The following NMNAT3 variants were observed in gnomAD, a reference collection of about 807,000 sequenced individuals.
NMNAT3 encodes the protein nicotinamide nucleotide adenylyltransferase 3.
In NMNAT3, 21 loss-of-function variants were observed where a neutral mutation model predicts 24.8. That is an observed-to-expected ratio of 0.85 (90% CI 0.60 to 1.22). The LOEUF (loss-of-function observed/expected upper bound fraction) is 1.22, where lower values mean the gene tolerates loss of function less well. NMNAT3 is among the 50% of genes most tolerant of loss of function. The pLI is 0.00. For synonymous variants in NMNAT3, 136 were observed against 155.2 expected (o/e 0.88, Z 0.92); for missense variants, 387 against 436.6 (o/e 0.89, Z 1.01).
At chr3:139,610,921 G>A (rs978491021) in intron 3 of NMNAT3, among the ~76,000 whole-genome samples, 6 of 152,214 alleles carry the variant, frequency 3.9e-5, no homozygotes, top group Admixed American at 6.5e-5. Context: ...AATTGCTGGT[G>A]TAAATGATAT....
intron 3 of NMNAT3, among the ~76,000 whole-genome samples, chr3:139,601,195 G>T (rs535938914): frequency 3.9e-5 from 6 of 152,272 alleles, no homozygotes; most frequent in African/African-American, 1.4e-4. Context: ...AGGCAAAGCA[G>T]CTCTGTCCTC....
chr3:139,644,480 T>G (rs1191444194), intron 1 of NMNAT3, among the ~76,000 whole-genome samples: 1 of 152,154 alleles, frequency 6.6e-6, no homozygotes, highest in Non-Finnish European at 1.5e-5. Context: ...AGAAGTTCTT[T>G]GAGGATGTGT....
rs546019602 is a variant in NMNAT3, at chr3:139,638,691, C to T, written c.-140-629G>A. Among the ~76,000 whole-genome samples, 154 of 152,338 alleles carry T rather than the reference C, an allele frequency of 1.0e-3. 2 individuals are homozygous for T. The South Asian group carries it at 0.016, about 16-fold the overall frequency. ...GGGACTCATTATTTCTCAATTGGAT[C>T]TGAATGCACTCCTAGCCTGTCTTTT... is the stretch of plus-strand genomic sequence containing the variant. On this transcript the variant is annotated intron_variant, in intron 1 of 6. Transcript: ENST00000643695.
At chr3:139,569,331 A>G (rs1937700940) in intron 6 of NMNAT3, 1 of 152,210 alleles carries the variant, frequency 6.6e-6, no homozygotes, top group Non-Finnish European at 1.5e-5. Context: ...TGGAGCATTT[A>G]GCCAATTTAC....
chr3:139,603,932 T>C (rs1576625024), intron 3 of NMNAT3, among the ~76,000 whole-genome samples: 1 of 152,210 alleles, frequency 6.6e-6, no homozygotes, highest in Non-Finnish European at 1.5e-5. Flanking sequence ...TATTCAAAGG[T>C]TGGTCACTAG....
intron 1 of NMNAT3, among the ~76,000 whole-genome samples, chr3:139,651,259 G>A (rs2057046215): frequency 6.6e-6 from 1 of 152,086 alleles, no homozygotes; most frequent in Admixed American, 6.6e-5. Flanking sequence ...ATGGATTAGA[G>A]ACTAAATAAT....
chr3:139,648,354 C>T (rs1479912258), intron 1 of NMNAT3, among the ~76,000 whole-genome samples: 1 of 152,168 alleles, frequency 6.6e-6, no homozygotes, highest in Non-Finnish European at 1.5e-5. Flanking sequence ...TACCCAGTCT[C>T]AGGTATTCTT....
intron 1 of NMNAT3, among the ~76,000 whole-genome samples, chr3:139,663,675 T>C (rs2057489627): frequency 6.6e-6 from 1 of 152,148 alleles, no homozygotes; most frequent in South Asian, 2.1e-4. Flanking sequence ...CTCCAGCAGC[T>C]AGTTCATGAC....
chr3:139,603,934 G>A (rs2054826537), intron 3 of NMNAT3, among the ~76,000 whole-genome samples: 1 of 152,188 alleles, frequency 6.6e-6, no homozygotes, highest in Non-Finnish European at 1.5e-5. Flanking sequence ...TTCAAAGGTT[G>A]GTCACTAGAT....
At chr3:139,620,709 C>T (rs1165147774) in intron 3 of NMNAT3, among the ~76,000 whole-genome samples, 1 of 152,004 alleles carries the variant, frequency 6.6e-6, no homozygotes, top group African/African-American at 2.4e-5. Context: ...ATATAGTAAA[C>T]ACACATTTAA....
chr3:139,653,919 C>T (rs1008849401), intron 1 of NMNAT3, among the ~76,000 whole-genome samples: 2 of 152,198 alleles, frequency 1.3e-5, no homozygotes, highest in African/African-American at 4.8e-5. Flanking sequence ...CGTAGATCAG[C>T]AGGTTGGAGA....
intron 3 of NMNAT3, among the ~76,000 whole-genome samples, chr3:139,592,396 C>T (rs1424297004): frequency 6.6e-6 from 1 of 152,144 alleles, no homozygotes; most frequent in African/African-American, 2.4e-5. Flanking sequence ...AAACACTCTG[C>T]AGGATATTAT....
intron 3 of NMNAT3, among the ~76,000 whole-genome samples, chr3:139,597,082 C>T (rs566164065): frequency 6.6e-6 from 1 of 151,508 alleles, no homozygotes; most frequent in South Asian, 2.1e-4. Context: ...AAATGCTTCT[C>T]CTGGACTTTC....
At chr3:139,676,919 A>G (rs371698413) in intron 1 of NMNAT3, among the ~76,000 whole-genome samples, 2 of 152,162 alleles carry the variant, frequency 1.3e-5, no homozygotes, top group Non-Finnish European at 2.9e-5. Flanking sequence ...TCCAGCACCC[A>G]TCACGCAGTG....
intron 1 of NMNAT3, among the ~76,000 whole-genome samples, chr3:139,662,209 G>A (rs1214629026): frequency 1.3e-5 from 2 of 152,116 alleles, no homozygotes; most frequent in East Asian, 1.9e-4. Flanking sequence ...GTGAATGCCG[G>A]TTGTCTCTCT....
chr3:139,667,624 G>A (rs1232212822), intron 1 of NMNAT3, among the ~76,000 whole-genome samples: 1 of 152,140 alleles, frequency 6.6e-6, no homozygotes, highest in Non-Finnish European at 1.5e-5. Context: ...CTCTGAATGA[G>A]ACCCAGAGTG....
intron 3 of NMNAT3, among the ~76,000 whole-genome samples, chr3:139,588,547 G>A (rs905632905): frequency 6.6e-6 from 1 of 152,162 alleles, no homozygotes; most frequent in African/African-American, 2.4e-5. Context: ...TCTGCATGCA[G>A]GGAAGGCAGT....
intron 1 of NMNAT3, among the ~76,000 whole-genome samples, chr3:139,661,765 A>G (rs1195175457): frequency 1.3e-5 from 2 of 152,112 alleles, no homozygotes; most frequent in Non-Finnish European, 2.9e-5. Context: ...TATTTACTTC[A>G]CCTTTTCCCC....
At position 139,583,044 on chromosome 3, in the gene NMNAT3, G is replaced by T; in HGVS notation, c.274C>A (p.Gln92Lys). The T allele has an allele frequency of 1.2e-6, 2 of 1,607,432 alleles. No individual in the cohort carries two copies. Among genetic ancestry groups the T allele is most frequent in the Non-Finnish European group, 1.7e-6 (2 of 1,176,520 alleles). The change falls in exon 4 of 7, where the codon CAA becomes AAA. Residue 92 changes from glutamine to lysine, a missense_variant. By Grantham distance (53) the Gln-to-Lys change is moderately conservative. This residue lies in a region of NMNAT3 where 323 missense variants were observed against 345.2 expected (regional missense o/e 0.94). Coordinates refer to ENST00000643695, the MANE Select transcript of NMNAT3 (RefSeq NM_001320510.2). The stretch of plus-strand genomic sequence containing the variant: ...CTGTCATTCAAATCACAGAACGCTT[G>T]TTCTTCAGTTCTTTTGCGTTTAAAA...
Sources: allele counts gnomAD v4.1 joint callset (sites outside exome capture counted in the v4.1 genomes callset), GRCh38; gene constraint gnomAD v4.1.1; regional missense constraint gnomAD v4.1.1; transcripts MANE v1.5; gene names NCBI Gene and HGNC (gene_info 2026-07-23, HGNC 2026-07-21).